Variants in ADCY1 observed in about 807,000 individuals in gnomAD.
ADCY1 encodes the protein adenylate cyclase type 1.
A neutral mutation model predicts 105.4 loss-of-function variants in ADCY1; 28 were observed. The observed-to-expected ratio is 0.27, with a 90% CI of 0.20 to 0.36. ADCY1 has a LOEUF of 0.36. Among genes scored for constraint, ADCY1 ranks in the 10% least tolerant of loss-of-function variants. The probability of loss-of-function intolerance (pLI) is 1.00; values close to 1 mark genes in which losing one functional copy is unlikely to be tolerated. For synonymous variants in ADCY1, 655 were observed against 623.8 expected (o/e 1.05, Z -0.75); for missense variants, 977 against 1,434.2 (o/e 0.68, Z 5.15).
chr7:45,627,384 G>C (rs1257328108), intron 4 of ADCY1, among the ~76,000 whole-genome samples: 1 of 152,220 alleles, frequency 6.6e-6, no homozygotes, highest in Non-Finnish European at 1.5e-5. Flanking sequence ...ATCCTGTCCA[G>C]CTAACCCTAC....
At chr7:45,610,864 A>AGGAGG in intron 3 of ADCY1, among the ~76,000 whole-genome samples, 1 of 95,226 alleles carries the variant, frequency 1.1e-5, no homozygotes, top group African/African-American at 4.2e-5. Context: ...AGTTGTGGAG[A>AGGAGG]TGATGGTGGA....
In ADCY1 at chr7:45,677,865, C is replaced by G. The variant is rs201746307; in HGVS notation, c.1606-4C>G. 1.9e-6 allele frequency: 3 copies of G among 1,612,884 alleles called. No homozygotes were observed. The highest frequency in any genetic ancestry group is 1.1e-5 in the South Asian group (1 of 90,906). ...ATACTCCTTTATTTCCATGATGGCT[C>G]CAGCGGAGGGCATTAAGAACAGCCT... On this transcript the variant is annotated splice_region_variant and splice_polypyrimidine_tract_variant and intron_variant, in intron 8 of 19. Coordinates refer to ENST00000297323, the MANE Select transcript of ADCY1 (RefSeq NM_021116.4).
chr7:45,660,316 A>G, intron 7 of ADCY1, 133 bp downstream of exon 7: 1 of 1,296,574 alleles, frequency 7.7e-7, no homozygotes, highest in Non-Finnish European at 1.1e-6. Context: ...AGATGGGGAG[A>G]GTTGTCCCCA....
rs1245344782 is a variant in ADCY1, at chr7:45,619,967, A to G, written c.909-2665A>G. 2.0e-5 allele frequency among the ~76,000 whole-genome samples: 3 copies of G among 152,260 alleles called. No individual in the cohort carries two copies. The East Asian group carries it at 5.8e-4, about 29-fold the overall frequency. ...CAAAACATCAAATTGTACACCACAT[A>G]TACACATGAGTAAACACAATTTTTA... On this transcript the variant is annotated intron_variant, in intron 3 of 19. Transcript: ENST00000297323.
At chr7:45,676,217 C>G (rs1584324128) in intron 8 of ADCY1, among the ~76,000 whole-genome samples, 1 of 152,104 alleles carries the variant, frequency 6.6e-6, no homozygotes, top group East Asian at 1.9e-4. Context: ...TAATTTTTAT[C>G]TGTTCTTTCT....
chr7:45,648,672 G>A lies in ADCY1; in HGVS notation c.1023G>A (p.Glu341=), dbSNP rs373262043. The change falls in exon 5 of 20, where the codon GAG becomes GAA. Residue 341 remains glutamate (E), a splice_region_variant and synonymous_variant. Coordinates refer to ENST00000297323, the MANE Select transcript of ADCY1 (RefSeq NM_021116.4). ...ATGTGCCTTGCCCTTCCCTGAAGGAGAACCACTGTCGCCGCATCAAGATTC... is the reference window on the plus strand; with the variant it reads ...ATGTGCCTTGCCCTTCCCTGAAGGAAAACCACTGTCGCCGCATCAAGATTC... ...LFGKFDELAT[E]NHCRRIKILG... The A allele has an allele frequency of 6.8e-6, 11 of 1,614,048 alleles. No homozygotes were observed. Among genetic ancestry groups the A allele is most frequent in the Non-Finnish European group, 9.3e-6 (11 of 1,180,016 alleles).
intron 1 of ADCY1, among the ~76,000 whole-genome samples, chr7:45,590,524 A>G (rs1792881720): frequency 6.6e-6 from 1 of 151,932 alleles, no homozygotes. Context: ...CCCTTTCCAG[A>G]CATCCATGGT....
At chr7:45,580,825 G>A (rs1277767274) in intron 1 of ADCY1, among the ~76,000 whole-genome samples, 2 of 152,180 alleles carry the variant, frequency 1.3e-5, no homozygotes, top group Admixed American at 1.3e-4. Flanking sequence ...GACCTGAGGG[G>A]ACCACTCAGC....
At chr7:45,646,744 G>T (rs998454647) in intron 4 of ADCY1, among the ~76,000 whole-genome samples, 7 of 152,334 alleles carry the variant, frequency 4.6e-5, no homozygotes, top group African/African-American at 7.2e-5. Context: ...AGGTGGGAAG[G>T]CCCCCTTCTG....
At position 45,718,045 on chromosome 7, in the gene ADCY1, C is replaced by T. The variant is rs1785390958; in HGVS notation, c.*4050C>T. 3 of 152,272 alleles carry T rather than the reference C, an allele frequency of 2.0e-5. No homozygotes were observed. The highest frequency in any genetic ancestry group is 6.5e-5 in the Admixed American group (1 of 15,284). 9.4% of individuals were successfully genotyped at this position (152,272 alleles called of 1,614,324 possible). ...CTTCCTGAAGACCCAGCTATGAAAC[C>T]GCAGTTCCTGTGGGTTGGGCTGCCC... is the stretch of plus-strand genomic sequence containing the variant. On this transcript the variant is annotated 3_prime_UTR_variant, in exon 20 of 20. Coordinates refer to ENST00000297323, the MANE Select transcript of ADCY1 (RefSeq NM_021116.4).
intron 3 of ADCY1, among the ~76,000 whole-genome samples, chr7:45,621,291 C>T (rs1793880845): frequency 6.6e-6 from 1 of 152,142 alleles, no homozygotes; most frequent in African/African-American, 2.4e-5. Context: ...GTCTCGAACT[C>T]GTGGACTCAG....
intron 4 of ADCY1, among the ~76,000 whole-genome samples, chr7:45,629,799 G>A (rs939059645): frequency 3.3e-5 from 5 of 152,154 alleles, no homozygotes; most frequent in South Asian, 2.1e-4. Flanking sequence ...GATTACAGGC[G>A]TGAGCCACCG....
intron 6 of ADCY1, among the ~76,000 whole-genome samples, chr7:45,659,382 G>A (rs60202974): frequency 6.6e-6 from 1 of 152,168 alleles, no homozygotes; most frequent in Non-Finnish European, 1.5e-5. Context: ...TTGGAAGGTG[G>A]GGAGTTTGCT....
At chr7:45,656,598 T>C (rs1440131533) in intron 5 of ADCY1, among the ~76,000 whole-genome samples, 2 of 151,774 alleles carry the variant, frequency 1.3e-5, no homozygotes, top group Admixed American at 6.6e-5. Context: ...AGCAGTGGGG[T>C]TGTGTGGAGC....
intron 1 of ADCY1, among the ~76,000 whole-genome samples, chr7:45,579,400 C>G (rs986668155): frequency 6.6e-6 from 1 of 152,064 alleles, no homozygotes; most frequent in African/African-American, 2.4e-5. Flanking sequence ...CTGGGATCCT[C>G]CTCCCCCACC....
At chr7:45,694,940 C>G (rs1377285796) in intron 14 of ADCY1, among the ~76,000 whole-genome samples, 1 of 152,236 alleles carries the variant, frequency 6.6e-6, no homozygotes, top group African/African-American at 2.4e-5. Context: ...CTTTCTCTAG[C>G]CTTTGCTAAT....
chr7:45,585,610 G>A (rs1329786925), intron 1 of ADCY1, among the ~76,000 whole-genome samples: 2 of 151,936 alleles, frequency 1.3e-5, no homozygotes, highest in South Asian at 2.1e-4. Flanking sequence ...CACCACGCCC[G>A]GCTAATTTTG....
At chr7:45,667,809 G>A (rs1283437350) in intron 8 of ADCY1, among the ~76,000 whole-genome samples, 2 of 152,164 alleles carry the variant, frequency 1.3e-5, no homozygotes, top group African/African-American at 4.8e-5. Context: ...ATTTCGTTGA[G>A]CAGTGATTTG....
chr7:45,702,099 C>T (rs927802111), intron 14 of ADCY1, among the ~76,000 whole-genome samples: 1 of 152,236 alleles, frequency 6.6e-6, no homozygotes, highest in Non-Finnish European at 1.5e-5. Flanking sequence ...GGGGCCTCGT[C>T]ATCTCTATCC....
Sources: allele counts gnomAD v4.1 joint callset (sites outside exome capture counted in the v4.1 genomes callset), GRCh38; gene constraint gnomAD v4.1.1; transcripts MANE v1.5; gene names NCBI Gene and HGNC (gene_info 2026-07-23, HGNC 2026-07-21).